The following INTS3 variants were observed in gnomAD, a reference collection of about 807,000 sequenced individuals.
The protein encoded by INTS3 is SOSS complex subunit A.
In INTS3, 34 loss-of-function variants were observed where a neutral mutation model predicts 146.3. The ratio of observed to expected loss-of-function variants is 0.23; its 90% CI spans 0.18 to 0.31. The LOEUF (loss-of-function observed/expected upper bound fraction) is 0.31. Ranked by LOEUF, INTS3 falls within the 10% of genes least tolerant of loss-of-function variation. The pLI, the probability that INTS3 is intolerant of heterozygous loss-of-function variation, is 1.00. For missense variants in INTS3, 757 were observed against 1,304.2 expected (o/e 0.58, Z 6.46); for synonymous variants, 475 against 494.9 (o/e 0.96, Z 0.53).
chr1:153,765,475 A>G (rs893924358), intron 20 of INTS3, among the ~76,000 whole-genome samples: 1 of 152,012 alleles, frequency 6.6e-6, no homozygotes, highest in Non-Finnish European at 1.5e-5. Flanking sequence ...ACATACAGGC[A>G]TGCGCCATCA....
chr1:153,771,910 G>C lies in INTS3; in HGVS notation c.2667G>C (p.Glu889Asp), dbSNP rs757094529. ...WCMKHDELLAEHIKSLLIKNN... is the reference protein window; with the variant it reads ...WCMKHDELLADHIKSLLIKNN... ...TGAAACATGACGAGCTGCTGGCCGAGCACATCAAGTCCCTGCTCATCAAGA... is the reference window on the plus strand; with the variant it reads ...TGAAACATGACGAGCTGCTGGCCGACCACATCAAGTCCCTGCTCATCAAGA... The change falls in exon 26 of 30, where the codon GAG becomes GAC. Residue 889 changes from glutamate to aspartate, a missense_variant. By Grantham distance (45) the Glu-to-Asp change is conservative. Coordinates refer to ENST00000318967, the MANE Select transcript of INTS3 (RefSeq NM_023015.5). 20 of 1,613,950 alleles carry C rather than the reference G, an allele frequency of 1.2e-5. No individual in the cohort carries two copies. Among genetic ancestry groups the C allele is most frequent in the Non-Finnish European group, 1.6e-5 (19 of 1,180,000 alleles).
At position 153,734,022 on chromosome 1, in the gene INTS3, C is replaced by T. The variant is rs113895796; in HGVS notation, c.150+5238C>T. ...GGGTATATACTGGGAAAGAGAAAGG[C>T]CTTCCCCCCCTTTCTCCCCCATTTC... On this transcript the variant is annotated intron_variant, in intron 1 of 29. Transcript: ENST00000318967. Among the ~76,000 whole-genome samples the T allele has an allele frequency of 4.0e-3, 615 of 152,264 alleles. 8 individuals carry two copies. The highest frequency in any genetic ancestry group is 0.014 in the African/African-American group (592 of 41,538).
Position 153,761,708 on chromosome 1 carries a change from CAA to C in INTS3, c.1516+35_1516+36del, listed in dbSNP as rs748105626. 2.0e-6 allele frequency: 3 copies of C among 1,495,300 alleles called. No homozygotes were observed. In the South Asian group the frequency reaches 3.4e-5, roughly 17 times the overall value. 92.6% of individuals were successfully genotyped at this position (1,495,300 alleles called of 1,614,324 possible). A position where few individuals can be genotyped will look rare whatever the true frequency, so the allele number is the denominator to read the frequency against. On this transcript the variant is annotated intron_variant, in intron 14 of 29. Transcript: ENST00000318967. ...GGCCCGCCCATTCCATCACCTGTGT[CAA>C]AAGAGGGGCAAGACAACCAGGCCTT...
chr1:153,746,333 C>A (rs1279488627), intron 3 of INTS3, among the ~76,000 whole-genome samples: 1 of 152,184 alleles, frequency 6.6e-6, no homozygotes, highest in African/African-American at 2.4e-5. Flanking sequence ...TATGACACTT[C>A]CTAAGATGGG....
chr1:153,747,676 GGA>G (rs1434572069), intron 5 of INTS3: 1 of 385,446 alleles, frequency 2.6e-6, no homozygotes, highest in Non-Finnish European at 4.8e-6. Context: ...GAAGAAATGG[GGA>G]GAGAAGTGAG....
At chr1:153,769,702 C>G (rs1014515401) in intron 22 of INTS3, 67 bp from the exon 23 acceptor site, 9 of 1,051,424 alleles carry the variant, frequency 8.6e-6, no homozygotes, top group Non-Finnish European at 1.3e-5. Context: ...CCTGCGTCCC[C>G]CTCCATACTA....
chr1:153,771,939 A>G lies in INTS3; in HGVS notation c.2696A>G (p.Asn899Ser), dbSNP rs748259223. The change falls in exon 26 of 30, where the codon AAC (asparagine) becomes AGC (serine). Residue 899 changes from asparagine to serine, a missense_variant. Physicochemically the swap from Asn to Ser is conservative, Grantham distance 46 (BLOSUM62 1). Coordinates refer to ENST00000318967, the MANE Select transcript of INTS3 (RefSeq NM_023015.5). ...ATCAAGTCCCTGCTCATCAAGAACAACAGCCTGCCTCGCAAGAGACAGAGG... is the reference window on the plus strand; with the variant it reads ...ATCAAGTCCCTGCTCATCAAGAACAGCAGCCTGCCTCGCAAGAGACAGAGG... ...EHIKSLLIKN[N>S]SLPRKRQSLR... 1 of 1,613,594 alleles carries G rather than the reference A, an allele frequency of 6.2e-7. No individual in the cohort carries two copies. The highest frequency in any genetic ancestry group is 2.2e-5 in the East Asian group (1 of 44,830).
intron 1 of INTS3, among the ~76,000 whole-genome samples, chr1:153,737,649 C>T (rs1292386617): frequency 6.6e-6 from 1 of 152,166 alleles, no homozygotes; most frequent in Non-Finnish European, 1.5e-5. Context: ...CAGGTGCGCG[C>T]CACCACACCT....
At chr1:153,767,928 C>T in intron 21 of INTS3, 101 bp downstream of exon 21, 1 of 1,253,652 alleles carries the variant, frequency 8.0e-7, no homozygotes. Context: ...TGTTCATCCC[C>T]ACTAACCTAG....
At chr1:153,762,945 C>T in intron 15 of INTS3, 98 bp downstream of exon 15, 1 of 1,480,472 alleles carries the variant, frequency 6.8e-7, no homozygotes. Context: ...CACCCTTATT[C>T]CTGTGAGTTA....
At chr1:153,765,827 C>T (rs977898579) in intron 20 of INTS3, among the ~76,000 whole-genome samples, 3 of 152,200 alleles carry the variant, frequency 2.0e-5, no homozygotes, top group Admixed American at 1.3e-4. Flanking sequence ...ACCTTGGCCT[C>T]CCAAAGTGCT....
At chr1:153,771,462 A>G (rs978215320) in intron 25 of INTS3, among the ~76,000 whole-genome samples, 4 of 151,938 alleles carry the variant, frequency 2.6e-5, no homozygotes, top group African/African-American at 9.7e-5. Context: ...GGGTAGGGGT[A>G]GGGGAGCATC....
Position 153,737,959 on chromosome 1 carries a change from A to G in INTS3, c.151-2692A>G, listed in dbSNP as rs1671365978. Among the ~76,000 whole-genome samples, 5 of 152,228 alleles carry G rather than the reference A, an allele frequency of 3.3e-5. 1 individual carries two copies. The South Asian group carries it at 1.0e-3, about 32-fold the overall frequency. On this transcript the variant is annotated intron_variant, in intron 1 of 29. Coordinates refer to ENST00000318967, the MANE Select transcript of INTS3 (RefSeq NM_023015.5). Reference sequence around the variant, plus strand: ...CCATCACTCTGCTTCAGTACTTAACAGTAGATAGCAATCTTGTTTTATCTT... The same window carrying G: ...CCATCACTCTGCTTCAGTACTTAACGGTAGATAGCAATCTTGTTTTATCTT...
At chr1:153,733,128 A>ACCGTGG in intron 1 of INTS3, among the ~76,000 whole-genome samples, 1 of 141,720 alleles carries the variant, frequency 7.1e-6, no homozygotes, top group East Asian at 2.2e-4. Context: ...GGAATGAGCC[A>ACCGTGG]CCGTGCCGGG....
In INTS3 at chr1:153,754,738, G is replaced by A; in HGVS notation, c.956G>A (p.Arg319Gln). The A allele has an allele frequency of 1.9e-6, 3 of 1,597,696 alleles. No individual in the cohort carries two copies. Among genetic ancestry groups the A allele is most frequent in the Non-Finnish European group, 1.7e-6 (2 of 1,165,052 alleles). ...METKLLFMTS[R>Q]VRFGQQKRYQ... ...ACTAAACTCCTCTTCATGACATCCC[G>A]GGTAAGCTAAGGTGTTGCAGCAAGA... Residue 319 changes from arginine (R) to glutamine (Q), a missense_variant and splice_region_variant, in exon 9 of 30, where the codon CGG becomes CAG. Physicochemically the swap from Arg to Gln is conservative, Grantham distance 43. Coordinates refer to ENST00000318967, the MANE Select transcript of INTS3 (RefSeq NM_023015.5).
intron 1 of INTS3, among the ~76,000 whole-genome samples, chr1:153,734,190 G>A (rs1350761360): frequency 6.6e-6 from 1 of 152,170 alleles, no homozygotes; most frequent in African/African-American, 2.4e-5. Flanking sequence ...GAGCCATTCT[G>A]CCAGCAGTTG....
In INTS3 at chr1:153,773,416, T is replaced by G; in HGVS notation, c.*146T>G. 1.3e-6 allele frequency: 1 copy of G among 755,808 alleles called. No individual in the cohort carries two copies. Among genetic ancestry groups the G allele is most frequent in the Non-Finnish European group, 2.2e-6 (1 of 445,364 alleles). The allele number at this position is 755,808 out of a possible 1,614,324, so 46.8% of individuals were successfully genotyped here. A position where few individuals can be genotyped will look rare whatever the true frequency, so the allele number is the denominator to read the frequency against. ...CGGTGGAAGGAGGAGCTTTCTCCTC[T>G]GGCTGAGTTTGAGAAGCTGCCATGC... On this transcript the variant is annotated 3_prime_UTR_variant, in exon 30 of 30. Coordinates refer to ENST00000318967, the MANE Select transcript of INTS3 (RefSeq NM_023015.5).
chr1:153,771,736 G>C, intron 25 of INTS3, 60 bp from the exon 26 acceptor site: 1 of 1,523,006 alleles, frequency 6.6e-7, no homozygotes, highest in Non-Finnish European at 8.9e-7. Context: ...AAGTGGGAGA[G>C]ACCCAGCATG....
At position 153,757,878 on chromosome 1, in the gene INTS3, T is replaced by C. The variant is rs949633704; in HGVS notation, c.1149+115T>C. On this transcript the variant is annotated intron_variant, in intron 10 of 29. Coordinates refer to ENST00000318967, the MANE Select transcript of INTS3 (RefSeq NM_023015.5). The surrounding 1 kb of genome is among the most constrained non-coding windows in gnomAD (Gnocchi z 4.0). Reference sequence around the variant, plus strand: ...ACCCCTAAGGGCCCTTCTTTCACTCTGGTCTTCCAGAGTGTCTCAGCCTTC... The same window carrying C: ...ACCCCTAAGGGCCCTTCTTTCACTCCGGTCTTCCAGAGTGTCTCAGCCTTC... The C allele has an allele frequency of 1.8e-5, 14 of 757,744 alleles. No homozygotes were observed. Among genetic ancestry groups the C allele is most frequent in the Non-Finnish European group, 2.8e-5 (13 of 457,816 alleles). 46.9% of individuals were successfully genotyped at this position (757,744 alleles called of 1,614,324 possible).
Sources: gnomAD v4.1 joint callset for allele counts (sites outside exome capture counted in the v4.1 genomes callset) on GRCh38, gnomAD v4.1.1 for gene constraint, Gnocchi (gnomAD v3.1) non-coding constraint, MANE v1.5 for transcripts, NCBI Gene and HGNC (gene_info 2026-07-23, HGNC 2026-07-21) for gene names.